HOOK2: variants seen among roughly 807,000 people sequenced by gnomAD.
HOOK2 encodes the protein protein Hook homolog 2.
A neutral mutation model predicts 111.9 loss-of-function variants in HOOK2; 108 were observed. The observed-to-expected ratio is 0.96, with a 90% CI of 0.83 to 1.13. The LOEUF (loss-of-function observed/expected upper bound fraction) is 1.13, where lower values mean the gene tolerates loss of function less well. Ranked by LOEUF, HOOK2 falls within the 50% of genes most tolerant of loss-of-function variation. HOOK2 has a pLI of 0.00. For synonymous variants in HOOK2, 405 were observed against 394.3 expected, an observed-to-expected ratio of 1.03 and a Z score of -0.32; for missense variants, 978 against 951.3, an observed-to-expected ratio of 1.03 and a Z score of -0.37.
chr19:12,790,888 G>T lies in HOOK2; in HGVS notation n.42-16663C>A, dbSNP rs1026880716. 6.6e-6 allele frequency among the ~76,000 whole-genome samples: 1 copy of T among 152,022 alleles called. No homozygotes were observed. The highest frequency in any genetic ancestry group is 1.5e-5 in the Non-Finnish European group (1 of 68,012). On this transcript the variant is annotated intron_variant and non_coding_transcript_variant, in intron 3 of 3. Coordinates refer to the HOOK2 transcript ENST00000589765. This position sits in a 1 kb window ranked among gnomAD's most constrained non-coding sequence, Gnocchi z 7.2. The stretch of plus-strand genomic sequence containing the variant: ...CCTACTCATTTCTTGCAATTTAATG[G>T]GTCATGCAGCTCCACCCACTCACCC...
intron 1 of HOOK2, 99 bp from the exon 2 acceptor site, chr19:12,774,996 G>A: frequency 8.0e-7 from 1 of 1,253,086 alleles, no homozygotes; most frequent in South Asian, 1.3e-5. Flanking sequence ...CTCACATGGT[G>A]GGGCGGGCGC....
At chr19:12,781,622 G>A (rs1351781594), upstream of HOOK2, among the ~76,000 whole-genome samples, 2 of 152,122 alleles carry the variant, frequency 1.3e-5, no homozygotes, top group African/African-American at 2.4e-5. Flanking sequence ...CATCGCGCCC[G>A]GCCGTCCACT....
At chr19:12,763,846 G>A in intron 20 of HOOK2, 68 bp from the exon 21 acceptor site, 1 of 1,037,142 alleles carries the variant, frequency 9.6e-7, no homozygotes, top group Non-Finnish European at 1.5e-6. Flanking sequence ...ACTGGGGTGT[G>A]TGTATTCATT....
At chr19:12,765,103 C>T (rs1272126107) in intron 18 of HOOK2, 22 bp from the exon 19 acceptor site, 3 of 1,613,332 alleles carry the variant, frequency 1.9e-6, no homozygotes, top group Non-Finnish European at 2.5e-6. Context: ...GGATGAGCAG[C>T]AGTGGGCTGA....
At chr19:12,776,745 G>A (rs1968524079), upstream of HOOK2, among the ~76,000 whole-genome samples, 1 of 151,962 alleles carries the variant, frequency 6.6e-6, no homozygotes, top group African/African-American at 2.4e-5. Context: ...GCTCTACAGA[G>A]GCTGAGGTGG....
At chr19:12,785,992 T>C (rs1968652161) in intron 3 of HOOK2, among the ~76,000 whole-genome samples, 1 of 152,108 alleles carries the variant, frequency 6.6e-6, no homozygotes, top group East Asian at 1.9e-4. Context: ...TCACCAGCAG[T>C]GGCAGGGATG....
rs1488017476 is a variant in HOOK2 at position 12,786,545 on chromosome 19, C to T, written n.42-12320G>A. Among the ~76,000 whole-genome samples the T allele has an allele frequency of 1.3e-5, 2 of 152,108 alleles. No individual in the cohort carries two copies. The highest frequency in any genetic ancestry group is 2.1e-4 in the South Asian group (1 of 4,828). ...CTTAGCCAGGTGCTGGTCTGGAGCC[C>T]AGGGCCTGGGCAGTACCCAGCTGCC... is the stretch of plus-strand genomic sequence containing the variant. On this transcript the variant is annotated intron_variant and non_coding_transcript_variant, in intron 3 of 3. Transcript: ENST00000589765. This position sits in a 1 kb window ranked among gnomAD's most constrained non-coding sequence, Gnocchi z 4.3.
In HOOK2 at chr19:12,792,294, G is replaced by A; in HGVS notation, n.42-18069C>T. 6.7e-7 allele frequency: 1 copy of A among 1,498,364 alleles called. No individual in the cohort carries two copies. Among genetic ancestry groups the A allele is most frequent in the Non-Finnish European group, 8.9e-7 (1 of 1,121,428 alleles). The allele number at this position is 1,498,364 out of a possible 1,614,324, so 92.8% of individuals were successfully genotyped here. The stretch of plus-strand genomic sequence containing the variant: ...GGCTGGGCCCGGGGGCGTCTACGCC[G>A]GCCCGGAGCCACCTCCCGTTTACAC... On this transcript the variant is annotated intron_variant and non_coding_transcript_variant, in intron 3 of 3. Transcript: ENST00000589765.
chr19:12,775,352 C>T lies in HOOK2; in HGVS notation c.45+53G>A, dbSNP rs547045525. On this transcript the variant is annotated intron_variant, in intron 1 of 22. Transcript: ENST00000397668. Reference sequence around the variant, plus strand: ...ACTGACCGAACCAGGGCCAGGGATCCCGGGCAAGAGGAGCGGGCGCTCACC... The same window carrying T: ...ACTGACCGAACCAGGGCCAGGGATCTCGGGCAAGAGGAGCGGGCGCTCACC... The T allele has an allele frequency of 2.2e-4, 355 of 1,593,266 alleles. 3 individuals are homozygous for T. In the East Asian group the frequency reaches 7.8e-3, roughly 35 times the overall value.
rs890730993 is a variant in HOOK2 at position 12,786,388 on chromosome 19, A to T, written n.42-12163T>A. Among the ~76,000 whole-genome samples the T allele has an allele frequency of 6.6e-6, 1 of 152,086 alleles. No homozygotes were observed. The highest frequency in any genetic ancestry group is 1.5e-5 in the Non-Finnish European group (1 of 67,970). On this transcript the variant is annotated intron_variant and non_coding_transcript_variant, in intron 3 of 3. Coordinates refer to the HOOK2 transcript ENST00000589765. The surrounding 1 kb of genome is among the most constrained non-coding windows in gnomAD (Gnocchi z 4.3). ...GAGGGGGGTCACCGGGCTATTTATA[A>T]GAAGGAGAAGTCCCTCGTGCCAAGA...
chr19:12,766,363 G>T (rs1968146970), intron 14 of HOOK2, 123 bp from the exon 15 acceptor site: 1 of 1,259,680 alleles, frequency 7.9e-7, no homozygotes, highest in Non-Finnish European at 1.1e-6. Flanking sequence ...CAGACCATGG[G>T]GTTGGAGCAC....
Position 12,768,052 on chromosome 19 carries a change from G to A in HOOK2, c.1176C>T (p.Asn392=). ...TCACCGACTCATACTTTTCCTCCAG[G>A]TTGCGGCATTCAAATAGCCATTTCT... ...KAEKWLFECR[N]LEEKYESVTK... is the part of the protein sequence containing the mutation. Residue 392 remains asparagine, a synonymous_variant, in exon 12 of 23, where the codon AAC becomes AAT. Coordinates refer to ENST00000397668, the MANE Select transcript of HOOK2 (RefSeq NM_013312.3). 1 of 1,614,222 alleles carries A rather than the reference G, an allele frequency of 6.2e-7. No individual in the cohort carries two copies.
chr19:12,791,188 G>A lies in HOOK2; in HGVS notation n.42-16963C>T, dbSNP rs1388028003. Among the ~76,000 whole-genome samples the A allele has an allele frequency of 1.3e-5, 2 of 152,174 alleles. No homozygotes were observed. The highest frequency in any genetic ancestry group is 4.8e-5 in the African/African-American group (2 of 41,430). ...CTGGTATTTGTCCCAGTGGACTCCA[G>A]GGAAATCATCCTCCTCCCTGAAACC... On this transcript the variant is annotated intron_variant and non_coding_transcript_variant, in intron 3 of 3. Transcript: ENST00000589765. The surrounding 1 kb of genome is among the most constrained non-coding windows in gnomAD (Gnocchi z 7.0).
chr19:12,785,973 C>T (rs1261171194), intron 3 of HOOK2, among the ~76,000 whole-genome samples: 4 of 152,182 alleles, frequency 2.6e-5, no homozygotes, highest in Non-Finnish European at 5.9e-5. Flanking sequence ...GCCCAGGTCC[C>T]CCAAGGCTTC....
chr19:12,773,961 C>G lies in HOOK2; in HGVS notation c.204+708G>C, dbSNP rs117455914. 7.5e-3 allele frequency: 1,145 copies of G among 153,308 alleles called. 14 individuals carry two copies. Among genetic ancestry groups the G allele is most frequent in the Admixed American group, 0.012 (189 of 15,412 alleles). The allele number at this position is 153,308 out of a possible 1,614,324, so 9.5% of individuals were successfully genotyped here. On this transcript the variant is annotated intron_variant, in intron 3 of 22. Coordinates refer to ENST00000397668, the MANE Select transcript of HOOK2 (RefSeq NM_013312.3). ...CTGCTATTCCCTATGCCTGGAACAC[C>G]GTTCCCCCAAATTTCACTTGGAGAT...
chr19:12,780,981 AAAT>A (rs906168929), upstream of HOOK2, among the ~76,000 whole-genome samples: 2 of 140,044 alleles, frequency 1.4e-5, no homozygotes, highest in Non-Finnish European at 3.1e-5. Context: ...CCGTCTCAAA[AAAT>A]AATAATAATA....
At chr19:12,768,195 C>A in intron 11 of HOOK2, 72 bp from the exon 12 acceptor site, 1 of 1,212,898 alleles carries the variant, frequency 8.2e-7, no homozygotes, top group South Asian at 1.3e-5. Context: ...ACAAATGGTC[C>A]CCGATCCAGG....
chr19:12,776,400 C>T (rs1429806922), upstream of HOOK2, among the ~76,000 whole-genome samples: 1 of 151,408 alleles, frequency 6.6e-6, no homozygotes, highest in Non-Finnish European at 1.5e-5. Context: ...TTAAAAATTA[C>T]CCAGGTAGCG....
chr19:12,779,970 T>G (rs147316866), upstream of HOOK2, among the ~76,000 whole-genome samples: 101 of 152,200 alleles, frequency 6.6e-4, 1 homozygote, highest in East Asian at 0.015. Flanking sequence ...GCCAACATAG[T>G]GAAACCCTGT....
Sources: allele counts gnomAD v4.1 joint callset (sites outside exome capture counted in the v4.1 genomes callset), GRCh38; gene constraint gnomAD v4.1.1; non-coding constraint Gnocchi (gnomAD v3.1); transcripts MANE v1.5; gene names NCBI Gene and HGNC (gene_info 2026-07-23, HGNC 2026-07-21).